Variants in VAV3 observed in about 807,000 individuals in gnomAD.
VAV3 encodes guanine nucleotide exchange factor VAV3.
A neutral mutation model predicts 131.2 loss-of-function variants in VAV3; 94 were observed. The observed-to-expected ratio is 0.72, with a 90% CI of 0.61 to 0.85. VAV3 has a LOEUF of 0.85. Ranked by LOEUF, VAV3 falls within the 40% of genes least tolerant of loss-of-function variation. The pLI is 0.00. For synonymous variants in VAV3, 349 were observed against 342.0 expected, an observed-to-expected ratio of 1.02 and a Z score of -0.22; for missense variants, 939 against 1,002.7, an observed-to-expected ratio of 0.94 and a Z score of 0.86.
intron 15 of VAV3, among the ~76,000 whole-genome samples, chr1:107,708,681 G>T (rs1436998249): frequency 6.6e-6 from 1 of 152,036 alleles, no homozygotes; most frequent in Non-Finnish European, 1.5e-5. Context: ...CATCTCAAAT[G>T]CAGCATATAC....
At chr1:107,909,470 T>G (rs1253572570) in intron 1 of VAV3, among the ~76,000 whole-genome samples, 5 of 152,210 alleles carry the variant, frequency 3.3e-5, no homozygotes, top group Admixed American at 3.3e-4. Flanking sequence ...GTCACAATTT[T>G]TCCCGAGCTT....
At chr1:107,925,622 T>C (rs1673111874) in intron 1 of VAV3, among the ~76,000 whole-genome samples, 1 of 152,110 alleles carries the variant, frequency 6.6e-6, no homozygotes, top group South Asian at 2.1e-4. Context: ...AGGTATCTAG[T>C]GTAGTCAAAT....
At chr1:107,799,354 T>C (rs1266581178) in intron 2 of VAV3, among the ~76,000 whole-genome samples, 3 of 147,694 alleles carry the variant, frequency 2.0e-5, no homozygotes, top group Non-Finnish European at 1.5e-5. Flanking sequence ...GTAGAAAAAA[T>C]ATCTAAAACT....
chr1:107,930,131 G>C (rs1366172328), intron 1 of VAV3, among the ~76,000 whole-genome samples: 1 of 151,706 alleles, frequency 6.6e-6, no homozygotes, highest in Non-Finnish European at 1.5e-5. Flanking sequence ...AGCACAACAG[G>C]GTGACTGTAG....
chr1:107,633,709 A>C (rs1233405367), intron 20 of VAV3, among the ~76,000 whole-genome samples: 1 of 152,150 alleles, frequency 6.6e-6, no homozygotes, highest in Non-Finnish European at 1.5e-5. Context: ...AGGCTTAAGA[A>C]GGTCCAGCAG....
intron 20 of VAV3, among the ~76,000 whole-genome samples, chr1:107,627,001 C>T (rs1338237948): frequency 6.6e-6 from 1 of 152,118 alleles, no homozygotes; most frequent in African/African-American, 2.4e-5. Context: ...TTAGAAGTCT[C>T]CTTTTAATCT....
intron 2 of VAV3, among the ~76,000 whole-genome samples, chr1:107,829,172 G>A (rs1051163363): frequency 7.9e-5 from 12 of 152,086 alleles, no homozygotes; most frequent in Non-Finnish European, 1.6e-4. Context: ...ATTACAATAG[G>A]ACAATTACAA....
intron 24 of VAV3, among the ~76,000 whole-genome samples, chr1:107,598,093 C>T (rs1178253253): frequency 6.6e-6 from 1 of 152,186 alleles, no homozygotes; most frequent in African/African-American, 2.4e-5. Flanking sequence ...GTGGTTCATG[C>T]CTGTAATCCC....
rs200287415 is a variant in VAV3, at chr1:107,851,889, A to AT, written c.321+23011dup. Among the ~76,000 whole-genome samples, 30 of 152,298 alleles carry AT rather than the reference A, an allele frequency of 2.0e-4. 1 individual carries two copies. Among genetic ancestry groups the AT allele is most frequent in the Non-Finnish European group, 4.1e-4 (28 of 68,034 alleles). The stretch of plus-strand genomic sequence containing the variant: ...CTGATGCTATTTTACGAGTTTGCTG[A>AT]TTTTTTTAAAAAAGTTTTTCAAGAG... On this transcript the variant is annotated intron_variant, in intron 2 of 26. Coordinates refer to ENST00000370056, the MANE Select transcript of VAV3 (RefSeq NM_006113.5).
intron 1 of VAV3, among the ~76,000 whole-genome samples, chr1:107,924,342 T>C (rs1673050309): frequency 1.3e-5 from 2 of 150,872 alleles, no homozygotes; most frequent in South Asian, 4.2e-4. Context: ...TGAATGTTAC[T>C]AAATGATGTC....
At chr1:107,592,796 T>C (rs1651071177) in intron 25 of VAV3, among the ~76,000 whole-genome samples, 1 of 152,124 alleles carries the variant, frequency 6.6e-6, no homozygotes, top group African/African-American at 2.4e-5. Flanking sequence ...GACCTCAAAA[T>C]AATTATGTGT....
In VAV3 at chr1:107,702,306, A is replaced by G. The variant is rs1322664275; in HGVS notation, c.1705+2244T>C. ...CTATCATGAGAACAGCGTGGAGGAAATCCCATGATCCAATCCCCTCCTGCC... is the reference window on the plus strand; with the variant it reads ...CTATCATGAGAACAGCGTGGAGGAAGTCCCATGATCCAATCCCCTCCTGCC... On this transcript the variant is annotated intron_variant, in intron 17 of 26. Coordinates refer to ENST00000370056, the MANE Select transcript of VAV3 (RefSeq NM_006113.5). Among the ~76,000 whole-genome samples, 3 of 152,234 alleles carry G rather than the reference A, an allele frequency of 2.0e-5. No homozygotes were observed. The South Asian group carries it at 6.2e-4, about 32-fold the overall frequency.
intron 4 of VAV3, among the ~76,000 whole-genome samples, chr1:107,773,997 A>C (rs1428954439): frequency 6.6e-6 from 1 of 152,146 alleles, no homozygotes; most frequent in Non-Finnish European, 1.5e-5. Flanking sequence ...CTGAAGTCCT[A>C]CATTTCACTA....
In VAV3 at chr1:107,618,467, T is replaced by A. The variant is rs553802406; in HGVS notation, c.1915-835A>T. 2.0e-5 allele frequency among the ~76,000 whole-genome samples: 3 copies of A among 152,362 alleles called. No individual in the cohort carries two copies. In the South Asian group the frequency reaches 6.2e-4, roughly 32 times the overall value. On this transcript the variant is annotated intron_variant, in intron 20 of 26. Transcript: ENST00000370056. ...TTAAGAAAAAGAAATAGGATACTTA[T>A]TAACAGAAGAAGACCGTAAGATTTT...
At chr1:107,892,313 T>C (rs1345199109) in intron 1 of VAV3, among the ~76,000 whole-genome samples, 2 of 152,212 alleles carry the variant, frequency 1.3e-5, no homozygotes, top group African/African-American at 4.8e-5. Flanking sequence ...CATTAAGCAC[T>C]GACTGAGTGC....
chr1:107,625,360 G>C (rs961329389), intron 20 of VAV3, among the ~76,000 whole-genome samples: 1 of 151,622 alleles, frequency 6.6e-6, no homozygotes, highest in Non-Finnish European at 1.5e-5. Flanking sequence ...TCCGCCTCCC[G>C]GGCTCAAGTA....
intron 15 of VAV3, among the ~76,000 whole-genome samples, chr1:107,737,224 A>G (rs1285032510): frequency 6.6e-6 from 1 of 152,250 alleles, no homozygotes; most frequent in East Asian, 1.9e-4. Context: ...TTAAAAGCAT[A>G]AATGTTAGAC....
intron 15 of VAV3, among the ~76,000 whole-genome samples, chr1:107,707,050 G>A (rs1660495392): frequency 6.6e-6 from 1 of 152,076 alleles, no homozygotes; most frequent in South Asian, 2.1e-4. Flanking sequence ...GAATCACAAA[G>A]CCACTAAGAT....
intron 19 of VAV3, among the ~76,000 whole-genome samples, chr1:107,652,444 C>T (rs1016121680): frequency 1.3e-5 from 2 of 152,116 alleles, no homozygotes; most frequent in African/African-American, 4.8e-5. Flanking sequence ...AATAAAGTTG[C>T]TTTCACTTTA....
Sources: allele counts gnomAD v4.1 joint callset (sites outside exome capture counted in the v4.1 genomes callset), GRCh38; gene constraint gnomAD v4.1.1; transcripts MANE v1.5; gene names NCBI Gene and HGNC (gene_info 2026-07-23, HGNC 2026-07-21).